The following HIVEP3 variants were observed in gnomAD, a reference collection of about 807,000 sequenced individuals.
HIVEP3 encodes HIVEP zinc finger 3.
HIVEP3 carries 49 observed loss-of-function variants against 152.8 expected under a neutral mutation model. That is an observed-to-expected ratio of 0.32 (90% CI 0.26 to 0.41). HIVEP3 has a LOEUF of 0.41. Among genes scored for constraint, HIVEP3 ranks in the 10% least tolerant of loss-of-function variants. The probability of loss-of-function intolerance (pLI) is 1.00; values close to 1 mark genes in which losing one functional copy is unlikely to be tolerated. For synonymous variants in HIVEP3, 1,269 were observed against 1,289.0 expected (o/e 0.98, Z 0.33); for missense variants, 2,790 against 3,103.3 (o/e 0.90, Z 2.40).
intron 1 of HIVEP3, among the ~76,000 whole-genome samples, chr1:41,737,186 G>C (rs710234): frequency 6.6e-6 from 1 of 152,094 alleles, no homozygotes; most frequent in Non-Finnish European, 1.5e-5. Context: ...TACAAGCTAC[G>C]TGGGCTCAGA....
chr1:41,845,464 T>C (rs1039657838), intron 1 of HIVEP3, among the ~76,000 whole-genome samples: 12 of 149,466 alleles, frequency 8.0e-5, no homozygotes, highest in African/African-American at 3.0e-4. Flanking sequence ...CACACGCCTC[T>C]TTCTGCCCTT....
chr1:41,628,865 C>G lies in HIVEP3; in HGVS notation c.-638G>C. The G allele has an allele frequency of 8.1e-7, 1 of 1,232,120 alleles. No homozygotes were observed. Among genetic ancestry groups the G allele is most frequent in the Non-Finnish European group, 1.0e-6 (1 of 987,974 alleles). The allele number at this position is 1,232,120 out of a possible 1,614,324, so 76.3% of individuals were successfully genotyped here. The stretch of plus-strand genomic sequence containing the variant: ...TCCACCTAGGCGCCGCTCTTCCCAC[C>G]AGAGGGGCGGGCTTGCTTGGCCAGG... On this transcript the variant is annotated 5_prime_UTR_variant, in exon 3 of 9. Coordinates refer to ENST00000372583, the MANE Select transcript of HIVEP3 (RefSeq NM_024503.5).
intron 1 of HIVEP3, among the ~76,000 whole-genome samples, chr1:41,755,967 A>C (rs1212333900): frequency 6.6e-6 from 1 of 152,266 alleles, no homozygotes; most frequent in African/African-American, 2.4e-5. Flanking sequence ...AAGACCTGAC[A>C]GTAATACTCC....
At chr1:41,750,741 C>A (rs1244128380) in intron 1 of HIVEP3, among the ~76,000 whole-genome samples, 1 of 151,958 alleles carries the variant, frequency 6.6e-6, no homozygotes, top group East Asian at 1.9e-4. Flanking sequence ...CTCTGTCGCC[C>A]AGGCTGGAGT....
At chr1:41,815,753 G>GT (rs35558509) in intron 1 of HIVEP3, among the ~76,000 whole-genome samples, 3,063 of 145,012 alleles carry the variant, frequency 0.021, 51 homozygotes, top group African/African-American at 0.048. Context: ...CTTTTTTATT[G>GT]TTTTTTTTTT....
At chr1:41,589,348 C>T (rs919186961) in intron 3 of HIVEP3, among the ~76,000 whole-genome samples, 2 of 152,224 alleles carry the variant, frequency 1.3e-5, no homozygotes, top group African/African-American at 4.8e-5. Flanking sequence ...AACTGGTTAG[C>T]TCCCACTTCA....
chr1:41,910,919 C>CGT (rs1644785895), intron 1 of HIVEP3, among the ~76,000 whole-genome samples: 4 of 151,926 alleles, frequency 2.6e-5, no homozygotes, highest in Non-Finnish European at 5.9e-5. Flanking sequence ...AAAGGCAAAG[C>CGT]TTAAACGTTT....
intron 1 of HIVEP3, among the ~76,000 whole-genome samples, chr1:41,835,543 C>T (rs1643096312): frequency 6.6e-6 from 1 of 152,230 alleles, no homozygotes; most frequent in Admixed American, 6.5e-5. Context: ...TTTAAAGTAA[C>T]ACGATTCAGT....
chr1:41,575,704 GA>G lies in HIVEP3; in HGVS notation c.5062-16del. The G allele has an allele frequency of 6.2e-7, 1 of 1,612,782 alleles. No individual in the cohort carries two copies. Among genetic ancestry groups the G allele is most frequent in the Non-Finnish European group, 8.5e-7 (1 of 1,179,162 alleles). The stretch of plus-strand genomic sequence containing the variant: ...GGGAGGTGAACCTGGCCCACCGCAG[GA>G]ATGACAAAATCATTGCTGGTTAAAA... On this transcript the variant is annotated splice_polypyrimidine_tract_variant and intron_variant, in intron 4 of 8. Transcript: ENST00000372583.
intron 1 of HIVEP3, among the ~76,000 whole-genome samples, chr1:41,712,700 C>T (rs1370166265): frequency 1.3e-5 from 2 of 152,232 alleles, no homozygotes; most frequent in Non-Finnish European, 2.9e-5. Context: ...ACAACCTGTC[C>T]CAGGTCTCTT....
intron 5 of HIVEP3, among the ~76,000 whole-genome samples, chr1:41,531,150 A>G (rs2810556): frequency 5.8e-5 from 8 of 137,906 alleles, no homozygotes; most frequent in South Asian, 5.0e-4. Flanking sequence ...GATGGAGGAC[A>G]GGAGAGAAGG....
chr1:41,949,528 T>G (rs1645094056), intron 1 of HIVEP3, among the ~76,000 whole-genome samples: 1 of 152,160 alleles, frequency 6.6e-6, no homozygotes, highest in South Asian at 2.1e-4. Context: ...GCTGTTATTA[T>G]GTTAATCAAT....
chr1:41,791,829 C>A (rs760428498), intron 1 of HIVEP3, among the ~76,000 whole-genome samples: 1 of 151,978 alleles, frequency 6.6e-6, no homozygotes, highest in Non-Finnish European at 1.5e-5. Flanking sequence ...CCCTCCCCAC[C>A]CCCAAACCCC....
chr1:41,621,033 C>T (rs887147449), intron 3 of HIVEP3, among the ~76,000 whole-genome samples: 1 of 152,212 alleles, frequency 6.6e-6, no homozygotes, highest in Non-Finnish European at 1.5e-5. Context: ...CTGGGCAAGT[C>T]ACTTGCCACG....
chr1:41,687,974 A>G (rs1646138187), intron 2 of HIVEP3, among the ~76,000 whole-genome samples: 1 of 150,722 alleles, frequency 6.6e-6, no homozygotes, highest in Non-Finnish European at 1.5e-5. Context: ...ACAGCTCCAG[A>G]TGAATGAATG....
intron 1 of HIVEP3, among the ~76,000 whole-genome samples, chr1:41,995,742 G>A (rs1645392398): frequency 6.6e-6 from 1 of 152,210 alleles, no homozygotes; most frequent in Non-Finnish European, 1.5e-5. Context: ...TATCATTCAG[G>A]AGGAAAATAA....
chr1:42,026,615 G>A (rs348127), intron 1 of HIVEP3, among the ~76,000 whole-genome samples: 8,627 of 152,162 alleles, frequency 0.057, 845 homozygotes, highest in African/African-American at 0.2. Flanking sequence ...TCTTGGCAGG[G>A]GAGGAAGGCA....
chr1:41,713,427 G>A (rs1349661708), intron 1 of HIVEP3, among the ~76,000 whole-genome samples: 1 of 152,200 alleles, frequency 6.6e-6, no homozygotes, highest in Admixed American at 6.5e-5. Flanking sequence ...TTTCAGCCAC[G>A]AAAGTTTAAC....
chr1:41,557,021 C>T (rs550410766), intron 5 of HIVEP3, among the ~76,000 whole-genome samples: 1 of 152,286 alleles, frequency 6.6e-6, no homozygotes, highest in South Asian at 2.1e-4. Context: ...CACACTGTTT[C>T]AATTACTGTA....
Sources: gnomAD v4.1 joint callset for allele counts (sites outside exome capture counted in the v4.1 genomes callset) on GRCh38, gnomAD v4.1.1 for gene constraint, MANE v1.5 for transcripts, NCBI Gene and HGNC (gene_info 2026-07-23, HGNC 2026-07-21) for gene names.